The following LAPTM4B variants were observed in gnomAD, a reference collection of about 807,000 sequenced individuals.
The protein encoded by LAPTM4B is lysosomal-associated transmembrane protein 4B.
Under a neutral mutation model 28.5 loss-of-function variants are expected in LAPTM4B, and 26 were observed. The ratio of observed to expected loss-of-function variants is 0.91; its 90% CI spans 0.67 to 1.27. LAPTM4B has a LOEUF of 1.27. LAPTM4B is among the 50% of genes most tolerant of loss of function. The pLI is 0.00. For synonymous variants in LAPTM4B, 109 were observed against 106.4 expected, an observed-to-expected ratio of 1.02 and a Z score of -0.15; for missense variants, 288 against 285.8, an observed-to-expected ratio of 1.01 and a Z score of -0.06.
At chr8:97,830,874 T>C (rs997559028) in intron 6 of LAPTM4B, among the ~76,000 whole-genome samples, 3 of 152,146 alleles carry the variant, frequency 2.0e-5, no homozygotes, top group African/African-American at 7.2e-5. Flanking sequence ...GCGGATTTCA[T>C]GTCTAGCTTG....
At chr8:97,820,049 A>C (rs1816980371) in intron 5 of LAPTM4B, among the ~76,000 whole-genome samples, 1 of 152,150 alleles carries the variant, frequency 6.6e-6, no homozygotes, top group African/African-American at 2.4e-5. Context: ...TAAATTTCTT[A>C]AAATCAGGGT....
chr8:97,781,611 C>T (rs532420364), intron 1 of LAPTM4B, among the ~76,000 whole-genome samples: 47 of 152,258 alleles, frequency 3.1e-4, no homozygotes, highest in African/African-American at 1.1e-3. Context: ...ATTGAGTTGA[C>T]AAATGCCTCT....
chr8:97,828,879 A>C (rs766715275), intron 6 of LAPTM4B, among the ~76,000 whole-genome samples: 3 of 151,546 alleles, frequency 2.0e-5, no homozygotes, highest in Non-Finnish European at 4.4e-5. Context: ...TCATCGAATG[A>C]CTCTTTTTTG....
At chr8:97,784,308 A>G (rs956330501) in intron 1 of LAPTM4B, among the ~76,000 whole-genome samples, 1 of 152,198 alleles carries the variant, frequency 6.6e-6, no homozygotes, top group African/African-American at 2.4e-5. Flanking sequence ...TGTTTTCCCC[A>G]CTATGTTAGA....
At chr8:97,798,906 C>G (rs6995436) in intron 1 of LAPTM4B, among the ~76,000 whole-genome samples, 62,289 of 152,074 alleles carry the variant, frequency 0.41, 13,161 homozygotes, top group Non-Finnish European at 0.47. Flanking sequence ...GCAGTACTTT[C>G]AGCACAGTGT....
intron 4 of LAPTM4B, among the ~76,000 whole-genome samples, chr8:97,818,398 A>G (rs1377280326): frequency 2.0e-5 from 3 of 152,168 alleles, no homozygotes; most frequent in Non-Finnish European, 4.4e-5. Flanking sequence ...CTGCCTTCCC[A>G]TTCACTTGCC....
intron 1 of LAPTM4B, among the ~76,000 whole-genome samples, chr8:97,776,442 C>T (rs1237119724): frequency 1.3e-5 from 2 of 152,262 alleles, no homozygotes; most frequent in African/African-American, 4.8e-5. Flanking sequence ...ACAAACTGAG[C>T]TTATCTGCCG....
chr8:97,789,177 G>A (rs530689432), intron 1 of LAPTM4B, among the ~76,000 whole-genome samples: 8 of 151,686 alleles, frequency 5.3e-5, no homozygotes, highest in South Asian at 4.2e-4. Context: ...AGGTTCAAGC[G>A]ATTGTCCTGC....
chr8:97,842,495 C>T (rs901816663), intron 6 of LAPTM4B, among the ~76,000 whole-genome samples: 1 of 151,998 alleles, frequency 6.6e-6, no homozygotes, highest in Admixed American at 6.6e-5. Context: ...AACAGGAGTA[C>T]CTAATCTTTG....
intron 2 of LAPTM4B, among the ~76,000 whole-genome samples, chr8:97,808,087 C>T (rs543326200): frequency 1.7e-4 from 25 of 151,404 alleles, no homozygotes; most frequent in African/African-American, 6.0e-4. Flanking sequence ...TCCCAAAGTG[C>T]TGGGATTATA....
intron 2 of LAPTM4B, among the ~76,000 whole-genome samples, chr8:97,811,978 G>C (rs1278647693): frequency 6.6e-6 from 1 of 151,766 alleles, no homozygotes; most frequent in Non-Finnish European, 1.5e-5. Context: ...GCTAATTTTT[G>C]TATTTTTAGT....
intron 2 of LAPTM4B, among the ~76,000 whole-genome samples, chr8:97,807,301 T>A (rs898832125): frequency 6.6e-6 from 1 of 152,062 alleles, no homozygotes; most frequent in Non-Finnish European, 1.5e-5. Context: ...CCACGGTGGC[T>A]CACACCTGTA....
chr8:97,815,939 TG>T, intron 3 of LAPTM4B, 118 bp from the exon 4 acceptor site: 1 of 955,698 alleles, frequency 1.0e-6, no homozygotes, highest in Non-Finnish European at 1.5e-6. Context: ...CACCATGACC[TG>T]GGTTAATGAA....
At chr8:97,814,134 A>G (rs990585499) in intron 2 of LAPTM4B, among the ~76,000 whole-genome samples, 3 of 152,196 alleles carry the variant, frequency 2.0e-5, no homozygotes, top group African/African-American at 4.8e-5. Flanking sequence ...TGAAGCTGCA[A>G]TGAGCCATGA....
At chr8:97,778,254 A>G (rs1816257607) in intron 1 of LAPTM4B, among the ~76,000 whole-genome samples, 2 of 152,036 alleles carry the variant, frequency 1.3e-5, no homozygotes, top group South Asian at 2.1e-4. Flanking sequence ...AGTACTGGTA[A>G]TCTTTATAAA....
At chr8:97,798,866 A>G (rs932557805) in intron 1 of LAPTM4B, among the ~76,000 whole-genome samples, 4 of 152,236 alleles carry the variant, frequency 2.6e-5, no homozygotes, top group Non-Finnish European at 5.9e-5. Flanking sequence ...CCAGATGGAT[A>G]AGCTAAAAAT....
rs546131164 is a variant in LAPTM4B at position 97,835,030 on chromosome 8, TG to T, written c.603+9882del. Among the ~76,000 whole-genome samples the T allele has an allele frequency of 7.0e-4, 106 of 152,358 alleles. 1 individual carries two copies. The South Asian group carries it at 0.021, about 30-fold the overall frequency. ...CTGAAGCCTCCCTCTGAGACTCTAATGGGGGTTGGAATGATCTAGATCTGTC... is the reference window on the plus strand; with the variant it reads ...CTGAAGCCTCCCTCTGAGACTCTAATGGGGTTGGAATGATCTAGATCTGTC... On this transcript the variant is annotated intron_variant, in intron 6 of 6. Coordinates refer to ENST00000521545, the MANE Select transcript of LAPTM4B (RefSeq NM_018407.6).
intron 1 of LAPTM4B, among the ~76,000 whole-genome samples, chr8:97,785,211 G>A (rs1472406681): frequency 2.0e-5 from 3 of 151,094 alleles, no homozygotes; most frequent in East Asian, 2.0e-4. Flanking sequence ...TCAGCCTCCC[G>A]AGTACATGGG....
intron 6 of LAPTM4B, among the ~76,000 whole-genome samples, chr8:97,838,673 A>G (rs554657822): frequency 1.0e-3 from 154 of 152,194 alleles, no homozygotes; most frequent in Non-Finnish European, 2.0e-3. Flanking sequence ...AGCTGGGGCC[A>G]AGTGTTCTCA....
Sources: allele counts gnomAD v4.1 joint callset (sites outside exome capture counted in the v4.1 genomes callset), GRCh38; gene constraint gnomAD v4.1.1; transcripts MANE v1.5; gene names NCBI Gene and HGNC (gene_info 2026-07-23, HGNC 2026-07-21).